GSG1L: variants seen among roughly 807,000 people sequenced by gnomAD.
The protein encoded by GSG1L is germ cell-specific gene 1-like protein.
GSG1L carries 24 observed loss-of-function variants against 42.1 expected under a neutral mutation model. The observed-to-expected ratio is 0.57, with a 90% CI of 0.41 to 0.80. GSG1L has a LOEUF of 0.80. Among genes scored for constraint, GSG1L ranks in the 30% least tolerant of loss-of-function variants. GSG1L has a pLI of 0.00. For missense variants in GSG1L, 445 were observed against 472.2 expected (o/e 0.94, Z 0.53); for synonymous variants, 215 against 203.5 (o/e 1.06, Z -0.48).
chr16:27,793,464 C>A (rs754511033), intron 6 of GSG1L, among the ~76,000 whole-genome samples: 1 of 148,314 alleles, frequency 6.7e-6, no homozygotes, highest in African/African-American at 2.5e-5. Context: ...GTGTTGGCTG[C>A]CAAGATAGAG....
At position 27,890,945 on chromosome 16, in the gene GSG1L, G is replaced by A. The variant is rs547908561; in HGVS notation, c.398-6307C>T. 2.6e-5 allele frequency among the ~76,000 whole-genome samples: 4 copies of A among 152,248 alleles called. No individual in the cohort carries two copies. The South Asian group carries it at 6.2e-4, about 24-fold the overall frequency. On this transcript the variant is annotated intron_variant, in intron 2 of 6. Transcript: ENST00000447459. ...TGGAAGTGCGGCAGACACAGCCGGT[G>A]CGGTGCTCCCAGCCTGCCCACGGCC...
chr16:28,037,008 GTT>G, intron 1 of GSG1L, among the ~76,000 whole-genome samples: 1 of 152,222 alleles, frequency 6.6e-6, no homozygotes, highest in Admixed American at 6.5e-5. Flanking sequence ...ATCTTTGGTT[GTT>G]GTTGTTGTTG....
intron 1 of GSG1L, among the ~76,000 whole-genome samples, chr16:28,006,823 G>A (rs945034364): frequency 5.9e-5 from 9 of 152,282 alleles, no homozygotes; most frequent in Admixed American, 2.6e-4. Flanking sequence ...GGACACCAGT[G>A]CACCCTAGGG....
chr16:27,990,590 A>G (rs1267323448), intron 1 of GSG1L, among the ~76,000 whole-genome samples: 1 of 152,166 alleles, frequency 6.6e-6, no homozygotes, highest in East Asian at 1.9e-4. Context: ...ACCTGTGATA[A>G]ATAAAGAATG....
chr16:27,938,967 C>T (rs1234697453), intron 2 of GSG1L, among the ~76,000 whole-genome samples: 1 of 151,994 alleles, frequency 6.6e-6, no homozygotes, highest in Non-Finnish European at 1.5e-5. Context: ...TTGGGACCCT[C>T]CGTGAGGATG....
chr16:27,965,857 T>G (rs2085126256), intron 1 of GSG1L, among the ~76,000 whole-genome samples: 1 of 152,188 alleles, frequency 6.6e-6, no homozygotes, highest in African/African-American at 2.4e-5. Context: ...ATTATGTCCC[T>G]TCTCTGCTCA....
chr16:27,926,499 T>A (rs2084593823), intron 2 of GSG1L, among the ~76,000 whole-genome samples: 1 of 146,700 alleles, frequency 6.8e-6, no homozygotes, highest in South Asian at 2.3e-4. Flanking sequence ...TGAAATCCTA[T>A]CTGTGCTGAA....
chr16:27,927,294 T>A (rs1392549493), intron 2 of GSG1L, among the ~76,000 whole-genome samples: 1 of 151,940 alleles, frequency 6.6e-6, no homozygotes, highest in Non-Finnish European at 1.5e-5. Context: ...GGACCACGGG[T>A]ACGTGCCTAA....
intron 1 of GSG1L, among the ~76,000 whole-genome samples, chr16:28,025,540 G>C (rs1209385251): frequency 6.6e-6 from 1 of 152,212 alleles, no homozygotes; most frequent in Non-Finnish European, 1.5e-5. Context: ...TGGCTCCGCA[G>C]GCCCCCAACG....
chr16:27,886,794 C>T (rs1423461400), intron 2 of GSG1L, among the ~76,000 whole-genome samples: 1 of 152,166 alleles, frequency 6.6e-6, no homozygotes, highest in Non-Finnish European at 1.5e-5. Context: ...TGTGGTCTCC[C>T]AAGACCCACA....
chr16:27,931,369 T>C (rs2084656321), intron 2 of GSG1L, among the ~76,000 whole-genome samples: 1 of 152,106 alleles, frequency 6.6e-6, no homozygotes, highest in African/African-American at 2.4e-5. Flanking sequence ...GCTGCCTCCA[T>C]CCCAGCCCCA....
chr16:27,847,967 C>A (rs577533744), intron 3 of GSG1L, among the ~76,000 whole-genome samples: 1 of 152,206 alleles, frequency 6.6e-6, no homozygotes, highest in Non-Finnish European at 1.5e-5. Context: ...AATGTGAGAA[C>A]TGACTAATAC....
chr16:28,011,011 C>T (rs893858603), intron 1 of GSG1L, among the ~76,000 whole-genome samples: 6 of 152,148 alleles, frequency 3.9e-5, no homozygotes, highest in South Asian at 2.1e-4. Context: ...GGGGCTCTGC[C>T]GGGCAGGCTG....
chr16:27,849,205 A>ACCCCC (rs756692818), intron 3 of GSG1L, among the ~76,000 whole-genome samples: 5,899 of 93,300 alleles, frequency 0.063, 173 homozygotes, highest in Non-Finnish European at 0.091. Flanking sequence ...CCCAAAAAGA[A>ACCCCC]AAAAAAAAAA....
chr16:27,967,032 G>A (rs185286339), intron 1 of GSG1L, among the ~76,000 whole-genome samples: 21 of 152,252 alleles, frequency 1.4e-4, no homozygotes, highest in African/African-American at 5.1e-4. Context: ...ACACTAGACT[G>A]GATAAACTCT....
At chr16:27,898,576 CCT>C (rs1429903308) in intron 2 of GSG1L, among the ~76,000 whole-genome samples, 1 of 151,906 alleles carries the variant, frequency 6.6e-6, no homozygotes, top group Non-Finnish European at 1.5e-5. Flanking sequence ...TCTTTCTTCT[CCT>C]CTCTCTGTTT....
intron 3 of GSG1L, among the ~76,000 whole-genome samples, chr16:27,846,915 C>G (rs1389353614): frequency 2.0e-5 from 3 of 148,972 alleles, no homozygotes; most frequent in Non-Finnish European, 4.4e-5. Flanking sequence ...CGAGATCGTG[C>G]CACTGCACCC....
At chr16:27,877,334 T>G (rs2083900377) in intron 3 of GSG1L, among the ~76,000 whole-genome samples, 1 of 152,212 alleles carries the variant, frequency 6.6e-6, no homozygotes, top group African/African-American at 2.4e-5. Flanking sequence ...TTTGCCATCG[T>G]AGACCTGTTC....
intron 2 of GSG1L, among the ~76,000 whole-genome samples, chr16:27,946,608 AGAGAGAGAGAGAG>A (rs2084868259): frequency 2.0e-3 from 14 of 7,118 alleles, no homozygotes; most frequent in African/African-American, 7.6e-3. Flanking sequence ...AGAGAGAGAG[AGAGAGAGAGAGAG>A]AGAGAGAGAG....
Sources: gnomAD v4.1 joint callset for allele counts (sites outside exome capture counted in the v4.1 genomes callset) on GRCh38, gnomAD v4.1.1 for gene constraint, MANE v1.5 for transcripts, NCBI Gene and HGNC (gene_info 2026-07-23, HGNC 2026-07-21) for gene names.